PTPN4: variants seen among roughly 807,000 people sequenced by gnomAD.
PTPN4 encodes tyrosine-protein phosphatase non-receptor type 4.
PTPN4 carries 49 observed loss-of-function variants against 135.5 expected under a neutral mutation model. The observed-to-expected ratio is 0.36, with a 90% CI of 0.29 to 0.46. The LOEUF is 0.46. PTPN4 is among the 20% of genes least tolerant of loss of function. The pLI, the probability that PTPN4 is intolerant of heterozygous loss-of-function variation, is 1.00. For synonymous variants in PTPN4, 333 were observed against 369.9 expected (o/e 0.90, Z 1.14); for missense variants, 860 against 1,101.0 (o/e 0.78, Z 3.10).
intron 1 of PTPN4, among the ~76,000 whole-genome samples, chr2:119,769,409 C>G (rs1312752043): frequency 6.6e-6 from 1 of 152,196 alleles, no homozygotes; most frequent in Non-Finnish European, 1.5e-5. Flanking sequence ...CCCCAGGTCT[C>G]ATCTCAGACC....
At chr2:119,771,387 T>A (rs1690731337) in intron 1 of PTPN4, 1 of 152,214 alleles carries the variant, frequency 6.6e-6, no homozygotes, top group Non-Finnish European at 1.5e-5. Context: ...GTAGGTTTAT[T>A]TGAGTGCAGA....
chr2:119,885,923 T>A (rs1448783136), intron 9 of PTPN4, 41 bp downstream of exon 9: 11 of 1,330,204 alleles, frequency 8.3e-6, no homozygotes, highest in Non-Finnish European at 7.3e-6. Context: ...TGAGTTAGGC[T>A]CCGTTACTCA....
rs58735460 is a variant in PTPN4, at chr2:119,984,758, T to A, written c.*7688T>A. On this transcript the variant is annotated 3_prime_UTR_variant, in exon 27 of 27. Transcript: ENST00000263708. ...GTTTTAGTCTTAAGAGCAATTTATA[T>A]TATGTGAAATGCTGTTACACATATT... Among the ~76,000 whole-genome samples the A allele has an allele frequency of 0.012, 1,863 of 152,354 alleles. 35 individuals carry two copies. The highest frequency in any genetic ancestry group is 0.042 in the African/African-American group (1,763 of 41,578).
At chr2:119,809,484 T>G (rs1377280663) in intron 1 of PTPN4, among the ~76,000 whole-genome samples, 6 of 152,112 alleles carry the variant, frequency 3.9e-5, no homozygotes, top group Non-Finnish European at 8.8e-5. Flanking sequence ...TTAAAATACT[T>G]GCATCAATGA....
chr2:119,899,583 C>A (rs1186803963), intron 9 of PTPN4, among the ~76,000 whole-genome samples: 2 of 152,012 alleles, frequency 1.3e-5, no homozygotes, highest in African/African-American at 2.4e-5. Context: ...TTATGTATAT[C>A]TTCCCTAATG....
intron 1 of PTPN4, among the ~76,000 whole-genome samples, chr2:119,776,949 G>A (rs1346669011): frequency 1.3e-5 from 2 of 152,140 alleles, no homozygotes; most frequent in Non-Finnish European, 2.9e-5. Context: ...TTGTTCAAAG[G>A]TCAACTGTAT....
chr2:119,888,939 C>T (rs1389525373), intron 9 of PTPN4, among the ~76,000 whole-genome samples: 1 of 152,130 alleles, frequency 6.6e-6, no homozygotes, highest in African/African-American at 2.4e-5. Flanking sequence ...TAACATTCAG[C>T]TTTGAATCCA....
intron 2 of PTPN4, among the ~76,000 whole-genome samples, chr2:119,841,108 CA>C (rs1677374358): frequency 6.6e-6 from 1 of 151,222 alleles, no homozygotes; most frequent in Non-Finnish European, 1.5e-5. Flanking sequence ...TCCCATTTGT[CA>C]ATTTTTGCTT....
intron 1 of PTPN4, among the ~76,000 whole-genome samples, chr2:119,787,218 A>T (rs1266293991): frequency 1.3e-5 from 2 of 152,192 alleles, no homozygotes; most frequent in Non-Finnish European, 2.9e-5. Flanking sequence ...CTGGGCAATA[A>T]ACCTGGCTGC....
rs940169889 is a variant in PTPN4, at chr2:119,760,321, C to T, written c.-81C>T. ...GCGGCACGGAGGACGCGCTTCTCCTCTGCGCGCCGGGGCCTCGAGGCTTTT... is the reference window on the plus strand; with the variant it reads ...GCGGCACGGAGGACGCGCTTCTCCTTTGCGCGCCGGGGCCTCGAGGCTTTT... On this transcript the variant is annotated 5_prime_UTR_variant, in exon 1 of 27. Transcript: ENST00000263708. 7.6e-6 allele frequency: 3 copies of T among 395,154 alleles called. No homozygotes were observed. The highest frequency in any genetic ancestry group is 4.1e-5 in the African/African-American group (2 of 48,476). The allele number at this position is 395,154 out of a possible 1,614,324, so 24.5% of individuals were successfully genotyped here.
intron 2 of PTPN4, among the ~76,000 whole-genome samples, chr2:119,847,293 C>T (rs1180543355): frequency 3.1e-5 from 3 of 95,386 alleles, no homozygotes; most frequent in African/African-American, 1.4e-4. Flanking sequence ...CACACACACA[C>T]ACACACACAC....
intron 26 of PTPN4, among the ~76,000 whole-genome samples, chr2:119,976,446 A>T (rs1439159064): frequency 6.6e-6 from 1 of 151,976 alleles, no homozygotes; most frequent in African/African-American, 2.4e-5. Flanking sequence ...TTTACTTAAT[A>T]AAATAACCTG....
At chr2:119,947,159 A>G (rs1679145764) in intron 18 of PTPN4, among the ~76,000 whole-genome samples, 1 of 152,194 alleles carries the variant, frequency 6.6e-6, no homozygotes, top group African/African-American at 2.4e-5. Context: ...ACTGTTTTAT[A>G]TAACAAGTAT....
chr2:119,954,977 C>G (rs749723136), intron 19 of PTPN4, among the ~76,000 whole-genome samples, 180 bp from the exon 20 acceptor site: 1 of 152,126 alleles, frequency 6.6e-6, no homozygotes, highest in Non-Finnish European at 1.5e-5. Flanking sequence ...CAGCAAAGCC[C>G]CTCAACTCCA....
chr2:119,885,983 T>A, intron 9 of PTPN4, 101 bp downstream of exon 9: 7 of 760,398 alleles, frequency 9.2e-6, no homozygotes, highest in Non-Finnish European at 1.4e-5. Flanking sequence ...TTATGATTGC[T>A]GCTGACACAG....
At position 119,920,076 on chromosome 2, in the gene PTPN4, C is replaced by T; in HGVS notation, c.836C>T (p.Ser279Phe). ...FIQLRKELHE[S>F]RETLLGFNMV... is the part of the protein sequence containing the mutation. ...TTTTGTCATTTATTACAGCATGAATCTAGAGAAACATTATTGGGATTTAAT... is the reference window on the plus strand; with the variant it reads ...TTTTGTCATTTATTACAGCATGAATTTAGAGAAACATTATTGGGATTTAAT... Residue 279 changes from serine to phenylalanine, a missense_variant, in exon 12 of 27, where the codon TCT becomes TTT. By Grantham distance (155) the Ser-to-Phe change is radical. Transcript: ENST00000263708. 1 of 1,606,048 alleles carries T rather than the reference C, an allele frequency of 6.2e-7. No individual in the cohort carries two copies. The highest frequency in any genetic ancestry group is 8.5e-7 in the Non-Finnish European group (1 of 1,177,268).
At chr2:119,929,514 A>G (rs1678870753) in intron 13 of PTPN4, among the ~76,000 whole-genome samples, 1 of 152,050 alleles carries the variant, frequency 6.6e-6, no homozygotes, top group African/African-American at 2.4e-5. Context: ...CACCTCTTCA[A>G]ATTGCTTTCA....
intron 9 of PTPN4, among the ~76,000 whole-genome samples, chr2:119,890,638 AC>A (rs1678227007): frequency 6.6e-6 from 1 of 152,042 alleles, no homozygotes; most frequent in African/African-American, 2.4e-5. Context: ...CTGTAGTGAT[AC>A]TGTTTGAGTC....
chr2:119,792,558 T>C (rs2104936324), intron 1 of PTPN4, among the ~76,000 whole-genome samples: 2 of 152,316 alleles, frequency 1.3e-5, no homozygotes, highest in South Asian at 4.1e-4. Context: ...ATATTTACCA[T>C]CACTGAAAGA....
Sources: allele counts gnomAD v4.1 joint callset (sites outside exome capture counted in the v4.1 genomes callset), GRCh38; gene constraint gnomAD v4.1.1; transcripts MANE v1.5; gene names NCBI Gene and HGNC (gene_info 2026-07-23, HGNC 2026-07-21).